The following CDK6 variants were observed in gnomAD, a reference collection of about 807,000 sequenced individuals.
The protein encoded by CDK6 is cyclin dependent kinase 6, also known as cyclin-dependent kinase 6.
A neutral mutation model predicts 37.1 loss-of-function variants in CDK6; 6 were observed. The observed-to-expected ratio is 0.16, with a 90% CI of 0.09 to 0.32. CDK6 has a LOEUF of 0.32. CDK6 is among the 10% of genes least tolerant of loss of function. The probability of loss-of-function intolerance (pLI) is 1.00; values close to 1 mark genes in which losing one functional copy is unlikely to be tolerated. For missense variants in CDK6, 224 were observed against 418.9 expected, an observed-to-expected ratio of 0.53 and a Z score of 4.06; for synonymous variants, 160 against 161.3, an observed-to-expected ratio of 0.99 and a Z score of 0.06.
rs537187555 is a variant in CDK6, at chr7:92,611,287, G to C, written c.*3853C>G. The C allele has an allele frequency of 8.9e-6, 2 of 224,570 alleles. No homozygotes were observed. Among genetic ancestry groups the C allele is most frequent in the African/African-American group, 4.5e-5 (2 of 44,690 alleles). 13.9% of individuals were successfully genotyped at this position (224,570 alleles called of 1,614,324 possible). A position where few individuals can be genotyped will look rare whatever the true frequency, so the allele number is the denominator to read the frequency against. Reference sequence around the variant, plus strand: ...ATAACATTCCAATATTTTCTTTCCAGGGTAAATATTCTGTAGTTTCTATAC... The same window carrying C: ...ATAACATTCCAATATTTTCTTTCCACGGTAAATATTCTGTAGTTTCTATAC... On this transcript the variant is annotated 3_prime_UTR_variant, in exon 8 of 8. Transcript: ENST00000424848.
At chr7:92,832,999 G>T in intron 2 of CDK6, 92 bp downstream of exon 2, 2 of 901,508 alleles carry the variant, frequency 2.2e-6, no homozygotes, top group Non-Finnish European at 3.4e-6. Flanking sequence ...GTCGCCCTCT[G>T]CCCCGCACCT....
intron 2 of CDK6, among the ~76,000 whole-genome samples, chr7:92,817,282 T>C (rs1276442137): frequency 6.6e-6 from 1 of 151,934 alleles, no homozygotes; most frequent in Non-Finnish European, 1.5e-5. Context: ...AACAAAATTT[T>C]AGCAATATAT....
intron 4 of CDK6, among the ~76,000 whole-genome samples, chr7:92,708,673 A>C (rs1425417372): frequency 6.6e-6 from 1 of 152,242 alleles, no homozygotes; most frequent in Non-Finnish European, 1.5e-5. Context: ...CTGTTTGTAA[A>C]AGAAAAAAAA....
chr7:92,666,365 C>T (rs1796956507), intron 5 of CDK6, among the ~76,000 whole-genome samples: 1 of 152,186 alleles, frequency 6.6e-6, no homozygotes, highest in Non-Finnish European at 1.5e-5. Context: ...GCCTGGCATA[C>T]AACAGTCACT....
chr7:92,653,373 G>A (rs146884962), intron 5 of CDK6, among the ~76,000 whole-genome samples: 60 of 152,320 alleles, frequency 3.9e-4, no homozygotes, highest in Admixed American at 5.9e-4. Flanking sequence ...ACAGAAGAAC[G>A]TACTCTTTAT....
chr7:92,830,276 C>T (rs1183708798), intron 2 of CDK6, among the ~76,000 whole-genome samples: 2 of 152,304 alleles, frequency 1.3e-5, no homozygotes, highest in East Asian at 3.9e-4. Context: ...CAGGCAGTAC[C>T]AGTGCCAGCA....
At chr7:92,672,160 T>TATATATATATATATATAC (rs1210519115) in intron 4 of CDK6, among the ~76,000 whole-genome samples, 4 of 79,076 alleles carry the variant, frequency 5.1e-5, no homozygotes, top group East Asian at 3.9e-4. Flanking sequence ...TATATATATA[T>TATATATATATATATATAC]ACACATACAC....
chr7:92,676,127 T>G (rs1379290150), intron 4 of CDK6, among the ~76,000 whole-genome samples: 2 of 150,740 alleles, frequency 1.3e-5, no homozygotes, highest in African/African-American at 4.9e-5. Flanking sequence ...TGTTGTTGAG[T>G]TTTTTTTTGA....
rs372267844 is a variant in CDK6, at chr7:92,688,253, A to C, written c.538-16718T>G. On this transcript the variant is annotated intron_variant, in intron 4 of 7. Coordinates refer to ENST00000424848, the MANE Select transcript of CDK6 (RefSeq NM_001145306.2). ...ACAGTTTCTCCGCATCTTGGCCAAC[A>C]GTTGATATTCCCAACCATTCGAATT... Among the ~76,000 whole-genome samples, 15 of 152,302 alleles carry C rather than the reference A, an allele frequency of 9.8e-5. 1 individual carries two copies. The highest frequency in any genetic ancestry group is 3.6e-4 in the African/African-American group (15 of 41,574).
chr7:92,835,884 G>T lies in CDK6; in HGVS notation c.-368+594C>A, dbSNP rs1801656362. Among the ~76,000 whole-genome samples the T allele has an allele frequency of 6.6e-6, 1 of 152,216 alleles. No homozygotes were observed. Reference sequence around the variant, plus strand: ...GAAACTACAGCAAACGTGCGTCTTCGCGGGGCTCCAAGCCTGGGCACTGGC... The same window carrying T: ...GAAACTACAGCAAACGTGCGTCTTCTCGGGGCTCCAAGCCTGGGCACTGGC... On this transcript the variant is annotated intron_variant, in intron 1 of 7. Transcript: ENST00000424848. This position sits in a 1 kb window ranked among gnomAD's most constrained non-coding sequence, Gnocchi z 4.2.
chr7:92,689,741 A>G (rs1797557318), intron 4 of CDK6, among the ~76,000 whole-genome samples: 3 of 151,980 alleles, frequency 2.0e-5, no homozygotes, highest in Non-Finnish European at 4.4e-5. Context: ...ACTAATTTAC[A>G]CTCCCACCAA....
intron 3 of CDK6, among the ~76,000 whole-genome samples, chr7:92,760,288 TATC>T (rs1325830415): frequency 1.3e-5 from 2 of 152,154 alleles, no homozygotes; most frequent in East Asian, 1.9e-4. Flanking sequence ...TTAGAAAACT[TATC>T]ATATCATTTT....
At chr7:92,654,697 G>C (rs1340351324) in intron 5 of CDK6, among the ~76,000 whole-genome samples, 1 of 152,118 alleles carries the variant, frequency 6.6e-6, no homozygotes, top group Non-Finnish European at 1.5e-5. Context: ...GCACTATGGA[G>C]CTCTCAACAG....
chr7:92,615,418 G>T, intron 7 of CDK6, 132 bp from the exon 8 acceptor site: 1 of 699,146 alleles, frequency 1.4e-6, no homozygotes, highest in South Asian at 1.9e-5. Context: ...TATTTAAAGG[G>T]ACACTAAATA....
At chr7:92,676,002 A>G (rs1432098778) in intron 4 of CDK6, among the ~76,000 whole-genome samples, 1 of 151,954 alleles carries the variant, frequency 6.6e-6, no homozygotes, top group Non-Finnish European at 1.5e-5. Context: ...TAGCCATATT[A>G]TTTATATAAA....
chr7:92,825,127 C>T (rs932395224), intron 2 of CDK6, among the ~76,000 whole-genome samples: 1 of 152,132 alleles, frequency 6.6e-6, no homozygotes. Context: ...TTGCAGACCA[C>T]ATACCATTTT....
intron 4 of CDK6, among the ~76,000 whole-genome samples, chr7:92,678,418 A>G (rs921271437): frequency 9.2e-5 from 14 of 152,112 alleles, no homozygotes; most frequent in Non-Finnish European, 4.4e-5. Flanking sequence ...TGGATGTGGC[A>G]ACAGGAGGGG....
intron 5 of CDK6, among the ~76,000 whole-genome samples, chr7:92,632,823 T>TTGTGGAAAA (rs1796083285): frequency 6.6e-6 from 1 of 151,986 alleles, no homozygotes; most frequent in South Asian, 2.1e-4. Flanking sequence ...TATATACGCA[T>TTGTGGAAAA]TGTGGAAAAT....
At chr7:92,619,537 A>T (rs1189684603) in intron 6 of CDK6, among the ~76,000 whole-genome samples, 1 of 151,234 alleles carries the variant, frequency 6.6e-6, no homozygotes, top group Admixed American at 6.6e-5. Context: ...CTTGGCCTCT[A>T]CTTGTTGGGA....
Sources: gnomAD v4.1 joint callset for allele counts (sites outside exome capture counted in the v4.1 genomes callset) on GRCh38, gnomAD v4.1.1 for gene constraint, Gnocchi (gnomAD v3.1) non-coding constraint, MANE v1.5 for transcripts, NCBI Gene and HGNC (gene_info 2026-07-23, HGNC 2026-07-21) for gene names.